The following MBNL1 variants were observed in gnomAD, a reference collection of about 807,000 sequenced individuals.
MBNL1 encodes the protein muscleblind like splicing regulator 1.
Under a neutral mutation model 42.2 loss-of-function variants are expected in MBNL1, and 8 were observed. The ratio of observed to expected loss-of-function variants is 0.19; its 90% confidence interval spans 0.11 to 0.34. The LOEUF is 0.34. Ranked by LOEUF, MBNL1 falls within the 10% of genes least tolerant of loss-of-function variation. The probability of loss-of-function intolerance (pLI) is 1.00; values close to 1 mark genes in which losing one functional copy is unlikely to be tolerated. For synonymous variants in MBNL1, 169 were observed against 173.9 expected (o/e 0.97, Z 0.22); for missense variants, 309 against 495.3 (o/e 0.62, Z 3.57).
chr3:152,326,690 A>G (rs1015104216), intron 2 of MBNL1, among the ~76,000 whole-genome samples: 3 of 152,060 alleles, frequency 2.0e-5, no homozygotes, highest in Non-Finnish European at 4.4e-5. Flanking sequence ...AGAATCAGAT[A>G]TTCTCTTCTA....
chr3:152,374,496 G>T (rs1380949623), intron 2 of MBNL1, among the ~76,000 whole-genome samples: 2 of 152,160 alleles, frequency 1.3e-5, no homozygotes, highest in East Asian at 3.8e-4. Context: ...TCACACTGCA[G>T]TGTCTTAAAC....
intron 2 of MBNL1, among the ~76,000 whole-genome samples, chr3:152,387,765 A>G (rs1210511355): frequency 6.6e-6 from 1 of 152,104 alleles, no homozygotes; most frequent in Non-Finnish European, 1.5e-5. Flanking sequence ...GTAATTTTAT[A>G]ATTATATTTA....
intron 2 of MBNL1, among the ~76,000 whole-genome samples, chr3:152,400,576 A>G (rs1011737587): frequency 3.9e-5 from 6 of 152,160 alleles, no homozygotes; most frequent in African/African-American, 1.4e-4. Flanking sequence ...GATGTTGTGG[A>G]TCTGTTATCC....
At chr3:152,372,463 C>A (rs1328019554) in intron 2 of MBNL1, among the ~76,000 whole-genome samples, 1 of 152,100 alleles carries the variant, frequency 6.6e-6, no homozygotes, top group Non-Finnish European at 1.5e-5. Flanking sequence ...ATGTTGGTGA[C>A]CTTTGGATGG....
chr3:152,431,488 A>G (rs935329035), intron 3 of MBNL1, among the ~76,000 whole-genome samples: 3 of 152,236 alleles, frequency 2.0e-5, no homozygotes, highest in Admixed American at 6.5e-5. Context: ...AAGTTTTACT[A>G]CAGAGCTCTC....
chr3:152,250,212 T>C (rs1315634297), intron 2 of MBNL1, among the ~76,000 whole-genome samples: 2 of 151,130 alleles, frequency 1.3e-5, no homozygotes, highest in African/African-American at 4.8e-5. Context: ...CCTTGGGCAG[T>C]ATGGCCATTT....
chr3:152,420,167 G>A (rs1044338793), intron 3 of MBNL1, among the ~76,000 whole-genome samples: 11 of 152,170 alleles, frequency 7.2e-5, no homozygotes, highest in South Asian at 2.1e-4. Flanking sequence ...GGGAAGGGGC[G>A]GCTGTGGGCG....
At chr3:152,324,691 TTTG>T (rs1309938766) in intron 2 of MBNL1, among the ~76,000 whole-genome samples, 6 of 152,270 alleles carry the variant, frequency 3.9e-5, no homozygotes, top group East Asian at 1.9e-4. Context: ...TTCCAGATAT[TTTG>T]TTGTTTAAAA....
intron 4 of MBNL1, 69 bp downstream of exon 4, chr3:152,432,989 T>G: frequency 6.8e-7 from 1 of 1,480,682 alleles, no homozygotes; most frequent in Non-Finnish European, 9.2e-7. Flanking sequence ...TTTGTTTGTT[T>G]GTGTGTTTCC....
intron 2 of MBNL1, among the ~76,000 whole-genome samples, chr3:152,382,062 C>T (rs538699582): frequency 6.6e-6 from 1 of 152,086 alleles, no homozygotes; most frequent in African/African-American, 2.4e-5. Context: ...TCTTTAGTTA[C>T]CCCTAGAAAG....
At position 152,299,627 on chromosome 3, in the gene MBNL1, A is replaced by G. The variant is rs745729306; in HGVS notation, c.-567A>G. The G allele has an allele frequency of 5.0e-5, 20 of 398,618 alleles. No homozygotes were observed. The highest frequency in any genetic ancestry group is 8.0e-5 in the Non-Finnish European group (18 of 226,022). The allele number at this position is 398,618 out of a possible 1,614,324, so 24.7% of individuals were successfully genotyped here. A position where few individuals can be genotyped will look rare whatever the true frequency, so the allele number is the denominator to read the frequency against. ...TTAGTGTTAAAAGAAAAGTTTGCTG[A>G]AAAAGTAAGATATCTTCTGCCAGGA... On this transcript the variant is annotated 5_prime_UTR_variant, in exon 2 of 10. Transcript: ENST00000324210.
chr3:152,305,364 G>C (rs1442240217), intron 2 of MBNL1, among the ~76,000 whole-genome samples: 3 of 152,150 alleles, frequency 2.0e-5, no homozygotes, highest in Admixed American at 2.0e-4. Flanking sequence ...AGGATAAGTA[G>C]AGGATTTCAG....
intron 2 of MBNL1, among the ~76,000 whole-genome samples, chr3:152,310,831 G>C (rs770193792): frequency 1.3e-4 from 20 of 151,960 alleles, no homozygotes; most frequent in Non-Finnish European, 2.2e-4. Context: ...GGGGGGGTTG[G>C]GGGGAACCCA....
At chr3:152,426,215 G>T (rs556254498) in intron 3 of MBNL1, among the ~76,000 whole-genome samples, 5 of 152,054 alleles carry the variant, frequency 3.3e-5, no homozygotes, top group Admixed American at 2.0e-4. Context: ...GGGGCAAGGT[G>T]GGGGATAGCA....
intron 1 of MBNL1, among the ~76,000 whole-genome samples, chr3:152,288,820 A>G (rs538386096): frequency 3.8e-4 from 58 of 152,346 alleles, no homozygotes; most frequent in Admixed American, 2.7e-3. Flanking sequence ...ATGAAATGCC[A>G]TGTTTTGATG....
chr3:152,291,580 T>C (rs2056031570), intron 1 of MBNL1, among the ~76,000 whole-genome samples: 1 of 152,182 alleles, frequency 6.6e-6, no homozygotes, highest in South Asian at 2.1e-4. Context: ...ATACCACAAA[T>C]ATTAATTGTT....
At chr3:152,376,724 G>T (rs1009946156) in intron 2 of MBNL1, among the ~76,000 whole-genome samples, 1 of 152,104 alleles carries the variant, frequency 6.6e-6, no homozygotes, top group Non-Finnish European at 1.5e-5. Flanking sequence ...GTCATTAGCT[G>T]CACGTCCATC....
rs1013600428 is a variant in MBNL1 at position 152,397,307 on chromosome 3, A to G, written c.175-17634A>G. On this transcript the variant is annotated intron_variant, in intron 2 of 9. Transcript: ENST00000324210. The stretch of plus-strand genomic sequence containing the variant: ...CATGCCATGGTGGTTTGCTGCACCC[A>G]TCAACCCGTCACCTACATTAGGTAT... Among the ~76,000 whole-genome samples the G allele has an allele frequency of 3.3e-5, 5 of 152,138 alleles. No homozygotes were observed. The East Asian group carries it at 9.6e-4, about 29-fold the overall frequency.
intron 2 of MBNL1, among the ~76,000 whole-genome samples, chr3:152,259,558 C>T (rs893698025): frequency 2.0e-5 from 3 of 152,176 alleles, no homozygotes; most frequent in Non-Finnish European, 4.4e-5. Flanking sequence ...GATAAGCTGG[C>T]TAGCTTTGTC....
Sources: allele counts gnomAD v4.1 joint callset (sites outside exome capture counted in the v4.1 genomes callset), GRCh38; gene constraint gnomAD v4.1.1; transcripts MANE v1.5; gene names NCBI Gene and HGNC (gene_info 2026-07-23, HGNC 2026-07-21).